The following TMEM50B variants were observed in gnomAD, a reference collection of about 807,000 sequenced individuals.
TMEM50B encodes HCV p7-trans-regulated protein 3.
Under a neutral mutation model 23.4 loss-of-function variants are expected in TMEM50B, and 14 were observed. That is an observed-to-expected ratio of 0.60 (90% CI 0.39 to 0.93). The LOEUF is 0.93. TMEM50B is among the 40% of genes least tolerant of loss of function. The pLI is 0.00. For synonymous variants in TMEM50B, 64 were observed against 62.3 expected, an observed-to-expected ratio of 1.03 and a Z score of -0.13; for missense variants, 159 against 193.0, an observed-to-expected ratio of 0.82 and a Z score of 1.04.
chr21:33,475,283 C>A (rs548248405), intron 1 of TMEM50B, among the ~76,000 whole-genome samples: 2 of 152,176 alleles, frequency 1.3e-5, no homozygotes, highest in South Asian at 2.1e-4. Flanking sequence ...CAATAGTATT[C>A]TTTAAATTAT....
downstream of TMEM50B, among the ~76,000 whole-genome samples, chr21:33,447,786 C>G (rs1209524884): frequency 6.6e-6 from 1 of 151,106 alleles, no homozygotes; most frequent in Non-Finnish European, 1.5e-5. Flanking sequence ...ACAAGGAATA[C>G]AAGGATCTTA....
intron 1 of TMEM50B, among the ~76,000 whole-genome samples, chr21:33,473,742 G>A (rs1312404324): frequency 2.0e-5 from 3 of 151,696 alleles, no homozygotes; most frequent in Non-Finnish European, 4.4e-5. Context: ...ACAATAACTT[G>A]TTCATAGCAG....
intron 7 of TMEM50B, among the ~76,000 whole-genome samples, chr21:33,442,850 G>A (rs1241984790): frequency 1.3e-5 from 2 of 152,078 alleles, no homozygotes; most frequent in Non-Finnish European, 1.5e-5. Context: ...GAACCTGGGA[G>A]GCGGAGGTTG....
chr21:33,476,731 A>G (rs2084375468), intron 1 of TMEM50B, among the ~76,000 whole-genome samples: 1 of 133,316 alleles, frequency 7.5e-6, no homozygotes, highest in Non-Finnish European at 1.5e-5. Context: ...ACTGCACTCC[A>G]GCCTGGGCGA....
At chr21:33,469,328 G>A (rs1333170266) in intron 1 of TMEM50B, among the ~76,000 whole-genome samples, 1 of 152,136 alleles carries the variant, frequency 6.6e-6, no homozygotes, top group Non-Finnish European at 1.5e-5. Flanking sequence ...GCACATGCCT[G>A]TAATCACAGC....
rs759676750 is a variant in TMEM50B at position 33,450,848 on chromosome 21, T to C, written c.447A>G (p.Lys149=). 24 of 1,613,240 alleles carry C rather than the reference T, an allele frequency of 1.5e-5. No homozygotes were observed. The highest frequency in any genetic ancestry group is 2.0e-5 in the Non-Finnish European group (24 of 1,179,576). ...TCCATAGCTCTTCGGTTCTTCCAAATTTGTAGATCAGAGTGCTAGAAAGAT... is the reference window on the plus strand; with the variant it reads ...TCCATAGCTCTTCGGTTCTTCCAAACTTGTAGATCAGAGTGCTAGAAAGAT... ...ALIFFSTLIY[K]FGRTEELWT The change falls in exon 7 of 7, where the codon AAA becomes AAG. Residue 149 remains lysine, a synonymous_variant. Coordinates refer to ENST00000542230, the MANE Select transcript of TMEM50B (RefSeq NM_006134.7).
chr21:33,443,416 C>G (rs531442219), intron 7 of TMEM50B, among the ~76,000 whole-genome samples: 19,958 of 151,962 alleles, frequency 0.13, 1,373 homozygotes, highest in Admixed American at 0.18. Flanking sequence ...GTAGGCTGTG[C>G]ACCGCACAAC....
intron 8 of TMEM50B, chr21:33,436,802 C>A: frequency 1.2e-6 from 2 of 1,608,874 alleles, no homozygotes; most frequent in Non-Finnish European, 8.5e-7. Context: ...AAACTAATTA[C>A]AATTTTGCTT....
chr21:33,469,078 A>C (rs962447374), intron 1 of TMEM50B, among the ~76,000 whole-genome samples, 152 bp from the exon 2 acceptor site: 1 of 152,154 alleles, frequency 6.6e-6, no homozygotes, highest in Non-Finnish European at 1.5e-5. Context: ...CAAGTACCTA[A>C]TTGAGATGTA....
chr21:33,446,679 C>CCAAAAAAAAAAAAAAAA (rs2084062142), downstream of TMEM50B, among the ~76,000 whole-genome samples: 1 of 102,362 alleles, frequency 9.8e-6, no homozygotes, highest in Admixed American at 1.2e-4. Flanking sequence ...AAAAAAAAAA[C>CCAAAAAAAAAAAAAAAA]CTCTAAGAAA....
downstream of TMEM50B, among the ~76,000 whole-genome samples, chr21:33,445,067 G>C (rs2084040964): frequency 6.9e-6 from 1 of 145,416 alleles, no homozygotes; most frequent in African/African-American, 2.6e-5. Flanking sequence ...GAGGGTGACA[G>C]AGTGAGACCC....
intron 8 of TMEM50B, chr21:33,437,053 A>G (rs2083962589): frequency 1.4e-6 from 2 of 1,402,344 alleles, no homozygotes; most frequent in Admixed American, 1.7e-5. Context: ...AGAGACCAGT[A>G]TTCCCTTTTG....
chr21:33,454,165 A>G (rs2084148064), intron 6 of TMEM50B, among the ~76,000 whole-genome samples: 1 of 151,022 alleles, frequency 6.6e-6, no homozygotes, highest in African/African-American at 2.4e-5. Context: ...TTTTGGGGAT[A>G]TTTTAGAAGA....
chr21:33,443,523 C>T (rs2084026097), intron 7 of TMEM50B, among the ~76,000 whole-genome samples: 2 of 152,188 alleles, frequency 1.3e-5, no homozygotes, highest in Admixed American at 6.5e-5. Context: ...TGCCTAGTCA[C>T]AGAAGACAAA....
downstream of TMEM50B, among the ~76,000 whole-genome samples, chr21:33,448,019 G>C (rs1353355134): frequency 6.6e-6 from 1 of 152,084 alleles, no homozygotes; most frequent in Non-Finnish European, 1.5e-5. Context: ...TCTAGACGGA[G>C]TCTCGCTTTG....
intron 5 of TMEM50B, among the ~76,000 whole-genome samples, chr21:33,459,870 G>T (rs1006639301): frequency 4.0e-5 from 6 of 151,648 alleles, no homozygotes; most frequent in Middle Eastern, 3.2e-3. Flanking sequence ...ACATAGCACC[G>T]CCAGCTGGGT....
At chr21:33,479,025 A>C (rs1231569262) in intron 1 of TMEM50B, 5 of 280,590 alleles carry the variant, frequency 1.8e-5, no homozygotes, top group East Asian at 9.9e-5. Flanking sequence ...GCCCCTCCGC[A>C]CCCCCCGACC....
Position 33,450,767 on chromosome 21 carries a change from C to G in TMEM50B, c.*51G>C. On this transcript the variant is annotated 3_prime_UTR_variant, in exon 7 of 7. Coordinates refer to ENST00000542230, the MANE Select transcript of TMEM50B (RefSeq NM_006134.7). ...CAATGTGTACTGAGAGATAAAAAACCTATCTACAAACAGAATATAACAAAA... is the reference window on the plus strand; with the variant it reads ...CAATGTGTACTGAGAGATAAAAAACGTATCTACAAACAGAATATAACAAAA... The G allele has an allele frequency of 1.3e-6, 2 of 1,499,030 alleles. No homozygotes were observed. The highest frequency in any genetic ancestry group is 1.8e-6 in the Non-Finnish European group (2 of 1,089,020). 92.9% of individuals were successfully genotyped at this position (1,499,030 alleles called of 1,614,324 possible). A position where few individuals can be genotyped will look rare whatever the true frequency, so the allele number is the denominator to read the frequency against.
At chr21:33,470,898 A>C (rs1422258225) in intron 1 of TMEM50B, among the ~76,000 whole-genome samples, 1 of 152,152 alleles carries the variant, frequency 6.6e-6, no homozygotes, top group African/African-American at 2.4e-5. Context: ...TCAAAGAAAA[A>C]AAAAGAAAGA....
Sources: gnomAD v4.1 joint callset for allele counts (sites outside exome capture counted in the v4.1 genomes callset) on GRCh38, gnomAD v4.1.1 for gene constraint, MANE v1.5 for transcripts, NCBI Gene and HGNC (gene_info 2026-07-23, HGNC 2026-07-21) for gene names.